The following SAMD14 variants were observed in gnomAD, a reference collection of about 807,000 sequenced individuals.
The protein encoded by SAMD14 is sterile alpha motif domain-containing protein 14.
Under a neutral mutation model 46.2 loss-of-function variants are expected in SAMD14, and 27 were observed. The observed-to-expected ratio is 0.58, with a 90% confidence interval of 0.43 to 0.81. The LOEUF is 0.81. Ranked by LOEUF, SAMD14 falls within the 30% of genes least tolerant of loss-of-function variation. The pLI is 0.00. For synonymous variants in SAMD14, 241 were observed against 254.3 expected (o/e 0.95, Z 0.50); for missense variants, 559 against 582.2 (o/e 0.96, Z 0.41).
At position 50,117,649 on chromosome 17, in the gene SAMD14, A is replaced by C. The variant is rs774021694; in HGVS notation, c.257T>G (p.Leu86Trp). ...GGCCGGGGACCCCGGGCCTGAGTGC[A>C]AAGGCGAGCGCAGCCGGTGCAGGGG... ...GSPLHRLRSPLHSGPGSPAGG... is the reference protein window; with the variant it reads ...GSPLHRLRSPWHSGPGSPAGG... Residue 86 changes from leucine (L) to tryptophan (W), a missense_variant, in exon 4 of 10, where the codon TTG becomes TGG. Leu to Trp is a moderately conservative substitution (Grantham distance 61). Transcript: ENST00000330175. The C allele has an allele frequency of 6.4e-5, 100 of 1,556,700 alleles. No homozygotes were observed. Among genetic ancestry groups the C allele is most frequent in the Non-Finnish European group, 8.0e-5 (93 of 1,162,034 alleles).
At chr17:50,124,769 GCGCA>G (rs1555563127) in intron 2 of SAMD14, 144 bp downstream of exon 2, 23 of 477,026 alleles carry the variant, frequency 4.8e-5, no homozygotes, top group South Asian at 7.1e-5. Context: ...GCACGCGCGC[GCGCA>G]CACACACACA....
intron 3 of SAMD14, chr17:50,117,933 A>T: frequency 1.6e-6 from 1 of 641,152 alleles, no homozygotes; most frequent in Non-Finnish European, 2.5e-6. Flanking sequence ...TTGCTCCTGG[A>T]CCTCTCAGGG....
In SAMD14 at chr17:50,129,031, G is replaced by T. The variant is rs1911910270; in HGVS notation, c.-13+486C>A. ...TAGCGGTCGGGGAGGCAGTTGTGGA[G>T]CCAGAGAGGTGGTCCCCCCTTCCCA... is the stretch of plus-strand genomic sequence containing the variant. On this transcript the variant is annotated intron_variant, in intron 1 of 9. Transcript: ENST00000330175. The surrounding 1 kb of genome is among the most constrained non-coding windows in gnomAD (Gnocchi z 5.6). Among the ~76,000 whole-genome samples, 1 of 152,214 alleles carries T rather than the reference G, an allele frequency of 6.6e-6. No individual in the cohort carries two copies. Among genetic ancestry groups the T allele is most frequent in the Non-Finnish European group, 1.5e-5 (1 of 68,034 alleles).
At chr17:50,118,078 G>A (rs889936853) in intron 3 of SAMD14, 83 bp downstream of exon 3, 1 of 1,424,324 alleles carries the variant, frequency 7.0e-7, no homozygotes, top group Non-Finnish European at 9.4e-7. Context: ...TTCCCTGGAA[G>A]AGCACTCTGG....
chr17:50,124,784 C>CAT, intron 2 of SAMD14, 133 bp downstream of exon 2: 1 of 848,288 alleles, frequency 1.2e-6, no homozygotes, highest in Non-Finnish European at 2.0e-6. Flanking sequence ...CACACACACA[C>CAT]ACACACACAC....
rs117878947 is a variant in SAMD14, at chr17:50,122,591, C to T, written c.43+2326G>A. 5.9e-4 allele frequency among the ~76,000 whole-genome samples: 90 copies of T among 152,332 alleles called. 1 individual carries two copies. The East Asian group carries it at 0.012, about 20-fold the overall frequency. ...AGCTCCATGAGGACAGTGATTTTGT[C>T]TGGCTTGTTCTTTGCTGTCTCCCCA... On this transcript the variant is annotated intron_variant, in intron 2 of 9. Transcript: ENST00000330175.
rs1203365340 is a variant in SAMD14 at position 50,112,920 on chromosome 17, G to A, written c.1227C>T (p.Arg409=). The A allele has an allele frequency of 3.1e-6, 5 of 1,607,160 alleles. No homozygotes were observed. Among genetic ancestry groups the A allele is most frequent in the Non-Finnish European group, 4.2e-6 (5 of 1,179,876 alleles). Residue 409 remains arginine, a synonymous_variant, in exon 10 of 10, where the codon CGC becomes CGT. Coordinates refer to ENST00000330175, the MANE Select transcript of SAMD14 (RefSeq NM_001257359.2). ...KAARQREKLR[R]REQEAKKS ...AGCTCTTCTTGGCCTCCTGCTCTCG[G>A]CGCCGGAGCTTCTCCCGCTGCCGCG...
chr17:50,128,128 G>A (rs1207503781), intron 1 of SAMD14, among the ~76,000 whole-genome samples: 1 of 152,164 alleles, frequency 6.6e-6, no homozygotes, highest in Non-Finnish European at 1.5e-5. Flanking sequence ...GGGCAGTAGT[G>A]TTGTCTCCTT....
At position 50,117,670 on chromosome 17, in the gene SAMD14, AG is replaced by A; in HGVS notation, c.235del (p.Leu79CysfsTer200). ...GTGCAAAGGCGAGCGCAGCCGGTGC[AG>A]GGGGCTCCCGCAGCCATCGGTCACC... ...GKVTDGCGSP[L>X]HRLRSPLHSG... is the part of the protein sequence containing the mutation. On this transcript the variant is annotated frameshift_variant, in exon 4 of 10. Transcript: ENST00000330175. LOFTEE classifies it high-confidence loss of function. 3 of 1,502,854 alleles carry A rather than the reference AG, an allele frequency of 2.0e-6. No homozygotes were observed. Among genetic ancestry groups the A allele is most frequent in the African/African-American group, 1.4e-5 (1 of 69,672 alleles). 93.1% of individuals were successfully genotyped at this position (1,502,854 alleles called of 1,614,324 possible).
chr17:50,116,303 G>C lies in SAMD14; in HGVS notation c.500-213C>G. The C allele has an allele frequency of 4.8e-6, 3 of 626,382 alleles. No homozygotes were observed. In the East Asian group the frequency reaches 8.9e-5, roughly 19 times the overall value. 38.8% of individuals were successfully genotyped at this position (626,382 alleles called of 1,614,324 possible). On this transcript the variant is annotated intron_variant, in intron 4 of 9. Coordinates refer to ENST00000330175, the MANE Select transcript of SAMD14 (RefSeq NM_001257359.2). Reference sequence around the variant, plus strand: ...GGATAATAACATCTACCTGCTTCATGGGACCTAATGGGATGCTTATGACAG... The same window carrying C: ...GGATAATAACATCTACCTGCTTCATCGGACCTAATGGGATGCTTATGACAG...
At chr17:50,126,366 G>A (rs559448159) in intron 1 of SAMD14, among the ~76,000 whole-genome samples, 2 of 150,078 alleles carry the variant, frequency 1.3e-5, no homozygotes, top group South Asian at 4.2e-4. Flanking sequence ...GTGCAGTGGC[G>A]CTATCTTGGC....
Position 50,115,779 on chromosome 17 carries a change from T to C in SAMD14, c.662+51A>G. 3 of 1,613,096 alleles carry C rather than the reference T, an allele frequency of 1.9e-6. No individual in the cohort carries two copies. The highest frequency in any genetic ancestry group is 8.5e-7 in the Non-Finnish European group (1 of 1,179,880). ...GTACAGAGGGGAGGACCAGAGCACA[T>C]GGGGAGCCAGGGGCGGGAGCTGTGG... On this transcript the variant is annotated intron_variant, in intron 6 of 9. Coordinates refer to ENST00000330175, the MANE Select transcript of SAMD14 (RefSeq NM_001257359.2). This position sits in a 1 kb window ranked among gnomAD's most constrained non-coding sequence, Gnocchi z 5.3.
Position 50,117,604 on chromosome 17 carries a change from T to G in SAMD14, c.302A>C (p.Asp101Ala), listed in dbSNP as rs1275407447. The change falls in exon 4 of 10, where the codon GAT (aspartate) becomes GCT (alanine). Residue 101 changes from aspartate to alanine, a missense_variant. Asp to Ala is a moderately radical substitution (Grantham distance 126). Transcript: ENST00000330175. ...GSPAGGSFCLDPPGLRRSLDE... is the reference protein window; with the variant it reads ...GSPAGGSFCLAPPGLRRSLDE... ...CAGGCTGCGCCGCAACCCCGGAGGA[T>G]CCAGGCAGAAAGAGCCCCCGGCCGG... The G allele has an allele frequency of 6.4e-7, 1 of 1,554,724 alleles. No individual in the cohort carries two copies. The highest frequency in any genetic ancestry group is 1.8e-5 in the Admixed American group (1 of 55,148).
In SAMD14 at chr17:50,130,048, CAA is replaced by C. The variant is rs1214013076; in HGVS notation, c.-546_-545del. Reference sequence around the variant, plus strand: ...GCGGAGAAGCCGGGCGCCCAGGAGACAAAGAGCGGGAGGGAGCGAGGGGGCGG... The same window carrying C: ...GCGGAGAAGCCGGGCGCCCAGGAGACAGAGCGGGAGGGAGCGAGGGGGCGG... On this transcript the variant is annotated 5_prime_UTR_variant, in exon 1 of 10. Coordinates refer to ENST00000330175, the MANE Select transcript of SAMD14 (RefSeq NM_001257359.2). The surrounding 1 kb of genome is among the most constrained non-coding windows in gnomAD (Gnocchi z 4.1). Among the ~76,000 whole-genome samples the C allele has an allele frequency of 6.8e-6, 1 of 146,472 alleles. No homozygotes were observed. Among genetic ancestry groups the C allele is most frequent in the Non-Finnish European group, 1.5e-5 (1 of 66,140 alleles).
Position 50,118,140 on chromosome 17 carries a change from GT to G in SAMD14, c.210+20del. The stretch of plus-strand genomic sequence containing the variant: ...GGGAGGGGTGGGAGGGTGTATATGT[GT>G]TTTCCTAACTTGCCCCAACCTTGCC... On this transcript the variant is annotated intron_variant, in intron 3 of 9. Transcript: ENST00000330175. 3.2e-6 allele frequency: 5 copies of G among 1,568,256 alleles called. No homozygotes were observed. The highest frequency in any genetic ancestry group is 4.3e-6 in the Non-Finnish European group (5 of 1,154,032).
chr17:50,129,226 C>A lies in SAMD14; in HGVS notation c.-13+291G>T, dbSNP rs1911919526. ...GGCTAGTTTCTCTCCAAACCATCAG[C>A]ACAACTCCCCGCCGGGCAAGAAAGA... On this transcript the variant is annotated intron_variant, in intron 1 of 9. Coordinates refer to ENST00000330175, the MANE Select transcript of SAMD14 (RefSeq NM_001257359.2). The surrounding 1 kb of genome is among the most constrained non-coding windows in gnomAD (Gnocchi z 5.6). Among the ~76,000 whole-genome samples the A allele has an allele frequency of 2.6e-5, 4 of 152,044 alleles. No individual in the cohort carries two copies. Among genetic ancestry groups the A allele is most frequent in the African/African-American group, 9.7e-5 (4 of 41,392 alleles).
chr17:50,116,336 C>A, intron 4 of SAMD14: 2 of 460,606 alleles, frequency 4.3e-6, no homozygotes, highest in Non-Finnish European at 7.6e-6. Context: ...CAGCCTTTTA[C>A]AAACTATAAA....
intron 1 of SAMD14, among the ~76,000 whole-genome samples, chr17:50,127,328 C>A (rs1054808369): frequency 3.3e-5 from 5 of 151,796 alleles, no homozygotes; most frequent in African/African-American, 1.2e-4. Context: ...CTAGGCTGGG[C>A]GCAGTGCCTC....
chr17:50,118,573 C>T (rs11654211), intron 2 of SAMD14, among the ~76,000 whole-genome samples: 2 of 152,302 alleles, frequency 1.3e-5, no homozygotes, highest in African/African-American at 4.8e-5. Context: ...CCTGTAGACA[C>T]GGAGGAACGG....
Sources: gnomAD v4.1 joint callset for allele counts (sites outside exome capture counted in the v4.1 genomes callset) on GRCh38, gnomAD v4.1.1 for gene constraint, Gnocchi (gnomAD v3.1) non-coding constraint, MANE v1.5 for transcripts, NCBI Gene and HGNC (gene_info 2026-07-23, HGNC 2026-07-21) for gene names.